MCTP1: variants seen among roughly 807,000 people sequenced by gnomAD.
MCTP1 encodes multiple C2 and transmembrane domain-containing protein 1.
Under a neutral mutation model 120.6 loss-of-function variants are expected in MCTP1, and 69 were observed. The ratio of observed to expected loss-of-function variants is 0.57; its 90% CI spans 0.47 to 0.70. The LOEUF is 0.70. MCTP1 is among the 30% of genes least tolerant of loss of function. The probability of loss-of-function intolerance (pLI) is 0.00; values close to 1 mark genes in which losing one functional copy is unlikely to be tolerated. For synonymous variants in MCTP1, 529 were observed against 493.1 expected, an observed-to-expected ratio of 1.07 and a Z score of -0.96; for missense variants, 1,203 against 1,248.8, an observed-to-expected ratio of 0.96 and a Z score of 0.55.
At chr5:94,894,511 T>A (rs468514) in intron 11 of MCTP1, 138 bp downstream of exon 11, 1 of 559,620 alleles carries the variant, frequency 1.8e-6, no homozygotes, top group Non-Finnish European at 3.1e-6. Flanking sequence ...GTGTGGCATT[T>A]GTTTTCACTC....
chr5:95,275,875 T>C (rs1016209860), intron 1 of MCTP1, among the ~76,000 whole-genome samples: 1 of 151,904 alleles, frequency 6.6e-6, no homozygotes, highest in Non-Finnish European at 1.5e-5. Context: ...AGAGAGAATA[T>C]TAAGGAGAAA....
chr5:94,887,681 GA>G (rs1323975048), intron 12 of MCTP1, among the ~76,000 whole-genome samples: 1 of 151,996 alleles, frequency 6.6e-6, no homozygotes, highest in Admixed American at 6.6e-5. Context: ...TTCCTGTTTT[GA>G]AAAAATATGT....
At chr5:94,832,421 T>C (rs546917303) in intron 17 of MCTP1, among the ~76,000 whole-genome samples, 1 of 152,332 alleles carries the variant, frequency 6.6e-6, no homozygotes, top group East Asian at 1.9e-4. Context: ...CATTTCTACC[T>C]AAGGTTATTT....
chr5:94,798,899 T>C (rs369715278), intron 18 of MCTP1, 114 bp downstream of exon 18: 25 of 1,110,784 alleles, frequency 2.3e-5, no homozygotes, highest in African/African-American at 1.3e-4. Context: ...TCCTCTAAAC[T>C]TGAGTATTTA....
chr5:94,773,248 T>G (rs1269079201), intron 19 of MCTP1, among the ~76,000 whole-genome samples: 2 of 152,218 alleles, frequency 1.3e-5, no homozygotes, highest in Admixed American at 1.3e-4. Context: ...CATATTATAC[T>G]GTGACTGTAA....
At chr5:95,063,496 G>T (rs1296649401) in intron 1 of MCTP1, among the ~76,000 whole-genome samples, 1 of 152,152 alleles carries the variant, frequency 6.6e-6, no homozygotes, top group Non-Finnish European at 1.5e-5. Flanking sequence ...CTAATTCCAG[G>T]ATTTGCCTTA....
rs1749067994 is a variant in MCTP1 at position 95,061,408 on chromosome 5, G to GTTGTTTTT, written c.721-43925_721-43924insAAAAACAA. ...ATCAATTTTCACAAACCCCTTAAGGGTTTTTTTTTTTTTTTTTTTTTTTTT... is the reference window on the plus strand; with the variant it reads ...ATCAATTTTCACAAACCCCTTAAGGGTTGTTTTTTTTTTTTTTTTTTTTTTTTTTTTTT... On this transcript the variant is annotated intron_variant, in intron 1 of 22. Transcript: ENST00000515393. 5.1e-4 allele frequency among the ~76,000 whole-genome samples: 17 copies of GTTGTTTTT among 33,490 alleles called. 4 individuals are homozygous for GTTGTTTTT. Among genetic ancestry groups the GTTGTTTTT allele is most frequent in the South Asian group, 1.1e-3 (1 of 908 alleles). The allele number at this position is 33,490 out of a possible 152,430, so 22.0% of individuals were successfully genotyped here.
intron 17 of MCTP1, among the ~76,000 whole-genome samples, chr5:94,825,445 G>C (rs1307514968): frequency 6.6e-6 from 1 of 152,108 alleles, no homozygotes; most frequent in Non-Finnish European, 1.5e-5. Context: ...TTGCTGAGGA[G>C]GGTTTTGCTT....
intron 17 of MCTP1, among the ~76,000 whole-genome samples, chr5:94,813,884 A>G (rs758650936): frequency 6.6e-6 from 1 of 152,154 alleles, no homozygotes; most frequent in East Asian, 1.9e-4. Flanking sequence ...CACTACTGAC[A>G]CATTCTACAT....
At chr5:95,120,133 C>T (rs1472575089) in intron 1 of MCTP1, among the ~76,000 whole-genome samples, 4 of 146,764 alleles carry the variant, frequency 2.7e-5, no homozygotes, top group Non-Finnish European at 4.5e-5. Flanking sequence ...GCGGAGATTG[C>T]GCCACTGCAC....
rs10526286 is a variant in MCTP1 at position 94,819,078 on chromosome 5, A to AATTTATTTATTT, written c.2437-19958_2437-19947dup. On this transcript the variant is annotated intron_variant, in intron 17 of 22. Transcript: ENST00000515393. ...ACATAAAGCAAGATAAACTACTTCA[A>AATTTATTTATTT]ATTTATTTATTTATTTATTTATTTA... Among the ~76,000 whole-genome samples the AATTTATTTATTT allele has an allele frequency of 2.0e-3, 279 of 140,300 alleles. 1 individual carries two copies. Among genetic ancestry groups the AATTTATTTATTT allele is most frequent in the Middle Eastern group, 3.7e-3 (1 of 270 alleles). The allele number at this position is 140,300 out of a possible 152,430, so 92.0% of individuals were successfully genotyped here. A position where few individuals can be genotyped will look rare whatever the true frequency, so the allele number is the denominator to read the frequency against.
At chr5:94,935,538 G>A (rs293053) in intron 5 of MCTP1, among the ~76,000 whole-genome samples, 36,025 of 151,774 alleles carry the variant, frequency 0.24, 4,616 homozygotes, top group East Asian at 0.52. Context: ...TGATTGTTAG[G>A]ATTTATCTGT....
intron 17 of MCTP1, among the ~76,000 whole-genome samples, chr5:94,845,219 G>A (rs1005145046): frequency 6.6e-6 from 1 of 152,176 alleles, no homozygotes; most frequent in African/African-American, 2.4e-5. Flanking sequence ...TTAATGGACT[G>A]AAAGTTCCAC....
chr5:94,923,966 C>G lies in MCTP1; in HGVS notation c.1268G>C (p.Trp423Ser), dbSNP rs1292846040. The stretch of plus-strand genomic sequence containing the variant: ...CAAAAAGGATTTAGACATTACCCTC[C>G]AAAAGAGAGACTTCACAGAGAAATA... The part of the protein sequence containing the change: ...GSYFSVKSLF[W>S]RTCGRPALPV... The change falls in exon 7 of 23, where the codon TGG becomes TCG. Residue 423 changes from tryptophan to serine, a missense_variant. By Grantham distance (177) the Trp-to-Ser change is radical. Transcript: ENST00000515393. The G allele has an allele frequency of 6.6e-7, 1 of 1,523,124 alleles. No individual in the cohort carries two copies. Among genetic ancestry groups the G allele is most frequent in the Admixed American group, 2.4e-5 (1 of 42,070 alleles). The allele number at this position is 1,523,124 out of a possible 1,614,324, so 94.4% of individuals were successfully genotyped here.
intron 19 of MCTP1, among the ~76,000 whole-genome samples, chr5:94,747,188 C>T (rs572140433): frequency 2.6e-5 from 4 of 152,176 alleles, no homozygotes; most frequent in East Asian, 1.9e-4. Flanking sequence ...TAGCATAGCA[C>T]GACAGCAGCA....
chr5:95,202,212 AC>A (rs2152552811), intron 1 of MCTP1, among the ~76,000 whole-genome samples: 1 of 152,302 alleles, frequency 6.6e-6, no homozygotes, highest in South Asian at 2.1e-4. Flanking sequence ...GAGCTGGAAC[AC>A]TGGAACACTC....
intron 1 of MCTP1, among the ~76,000 whole-genome samples, chr5:95,132,054 A>C (rs537741557): frequency 6.6e-6 from 1 of 152,250 alleles, no homozygotes; most frequent in South Asian, 2.1e-4. Flanking sequence ...GTGATTATCT[A>C]TTTTCTTTAT....
intron 10 of MCTP1, among the ~76,000 whole-genome samples, chr5:94,899,825 T>C (rs1001884304): frequency 2.0e-5 from 3 of 152,216 alleles, no homozygotes; most frequent in Admixed American, 2.0e-4. Flanking sequence ...TCCTTGCATT[T>C]CTTCCTAGTA....
chr5:94,839,440 T>C (rs548458156), intron 17 of MCTP1, among the ~76,000 whole-genome samples: 1 of 152,022 alleles, frequency 6.6e-6, no homozygotes, highest in Non-Finnish European at 1.5e-5. Flanking sequence ...AACTCCAGGG[T>C]TGACACAGCA....
Sources: allele counts gnomAD v4.1 joint callset (sites outside exome capture counted in the v4.1 genomes callset), GRCh38; gene constraint gnomAD v4.1.1; transcripts MANE v1.5; gene names NCBI Gene and HGNC (gene_info 2026-07-23, HGNC 2026-07-21).